Variants in MMP11 observed in about 807,000 individuals in gnomAD.
The protein encoded by MMP11 is stromelysin-3.
In MMP11, 26 loss-of-function variants were observed where a neutral mutation model predicts 49.5. The ratio of observed to expected loss-of-function variants is 0.52; its 90% confidence interval spans 0.38 to 0.73. The LOEUF (loss-of-function observed/expected upper bound fraction) is 0.73, where lower values mean the gene tolerates loss of function less well. Ranked by LOEUF, MMP11 falls within the 30% of genes least tolerant of loss-of-function variation. The pLI, the probability that MMP11 is intolerant of heterozygous loss-of-function variation, is 0.00. For synonymous variants in MMP11, 265 were observed against 282.3 expected, an observed-to-expected ratio of 0.94 and a Z score of 0.62; for missense variants, 624 against 671.2, an observed-to-expected ratio of 0.93 and a Z score of 0.78.
At chr22:23,776,141 G>A (rs998484418) in intron 1 of MMP11, among the ~76,000 whole-genome samples, 3 of 152,192 alleles carry the variant, frequency 2.0e-5, no homozygotes, top group African/African-American at 7.2e-5. Flanking sequence ...AGTGGAAGGG[G>A]TGGGGGCATG....
rs766487518 is a variant in MMP11, at chr22:23,780,683, A to G, written c.584A>G (p.Tyr195Cys). ...CGAGAAGGGGATGTCCACTTCGACT[A>G]TGATGAGACCTGGACTATCGGGGAT... ...THREGDVHFD[Y>C]DETWTIGDDQ... Residue 195 changes from tyrosine to cysteine, a missense_variant, in exon 4 of 8, where the codon TAT becomes TGT. Physicochemically the swap from Tyr to Cys is radical, Grantham distance 194. Coordinates refer to ENST00000215743, the MANE Select transcript of MMP11 (RefSeq NM_005940.5). The surrounding 1 kb of genome is among the most constrained non-coding windows in gnomAD (Gnocchi z 4.6). 3.9e-5 allele frequency: 62 copies of G among 1,572,506 alleles called. No homozygotes were observed. The highest frequency in any genetic ancestry group is 6.8e-5 in the African/African-American group (5 of 73,592).
chr22:23,783,603 G>C lies in MMP11; in HGVS notation c.*59G>C, dbSNP rs540655345. On this transcript the variant is annotated 3_prime_UTR_variant, in exon 8 of 8. Transcript: ENST00000215743. ...CTGCCAGGCCACGAATATCAGGCTA[G>C]AGACCCATGGCCATCTTTGTGGCTG... The C allele has an allele frequency of 4.9e-5, 79 of 1,602,936 alleles. No homozygotes were observed. Among genetic ancestry groups the C allele is most frequent in the Non-Finnish European group, 6.4e-5 (75 of 1,171,624 alleles).
At chr22:23,782,959 C>T (rs1011380500) in intron 7 of MMP11, among the ~76,000 whole-genome samples, 60 of 152,318 alleles carry the variant, frequency 3.9e-4, no homozygotes, top group African/African-American at 1.3e-3. Flanking sequence ...CAGTCCAGTG[C>T]TCCCTCCCCT....
In MMP11 at chr22:23,772,954, G is replaced by T; in HGVS notation, c.84G>T (p.Pro28=). ...PMLLLLLQPP[P]LLARALPPDA... ...TGCTGCTGCTGCTCCAGCCGCCGCC[G>T]CTGCTGGCCCGGGCTCTGCCGCCGG... is the stretch of plus-strand genomic sequence containing the variant. The change falls in exon 1 of 8, where the codon CCG becomes CCT. Residue 28 remains proline, a synonymous_variant. Coordinates refer to ENST00000215743, the MANE Select transcript of MMP11 (RefSeq NM_005940.5). 8.2e-7 allele frequency: 1 copy of T among 1,214,198 alleles called. No individual in the cohort carries two copies. The highest frequency in any genetic ancestry group is 1.0e-6 in the Non-Finnish European group (1 of 972,988). The allele number at this position is 1,214,198 out of a possible 1,614,324, so 75.2% of individuals were successfully genotyped here.
intron 7 of MMP11, among the ~76,000 whole-genome samples, chr22:23,782,953 C>T (rs893031960): frequency 1.3e-5 from 2 of 152,202 alleles, no homozygotes; most frequent in African/African-American, 4.8e-5. Context: ...TAGAGCCAGT[C>T]CAGTGCTCCC....
At chr22:23,782,740 G>A (rs1386437627) in intron 7 of MMP11, 4 of 570,914 alleles carry the variant, frequency 7.0e-6, no homozygotes, top group Non-Finnish European at 1.2e-5. Context: ...ATAAACTGCT[G>A]TACACTGAGG....
Position 23,780,956 on chromosome 22 carries a change from C to T in MMP11, c.714C>T (p.Thr238=), listed in dbSNP as rs1409846498. The T allele has an allele frequency of 1.2e-6, 2 of 1,613,868 alleles. No individual in the cohort carries two copies. The highest frequency in any genetic ancestry group is 1.1e-5 in the South Asian group (1 of 91,084). ...AGGCCCTGATGTCCGCCTTCTACAC[C>T]TTTCGCTACCCACTGAGTCTCAGCC... ...AAKALMSAFY[T]FRYPLSLSPD... is the part of the protein sequence containing the mutation. Residue 238 remains threonine, a synonymous_variant, in exon 5 of 8, where the codon ACC becomes ACT. Transcript: ENST00000215743. This position sits in a 1 kb window ranked among gnomAD's most constrained non-coding sequence, Gnocchi z 4.6.
rs759671158 is a variant in MMP11, at chr22:23,781,034, C to T, written c.792C>T (p.Val264=). ...QHLYGQPWPT[V]TSRTPALGPQ... is the part of the protein sequence containing the mutation. The stretch of plus-strand genomic sequence containing the variant: ...TATATGGCCAGCCCTGGCCCACTGT[C>T]ACCTCCAGGACCCCAGCCCTGGGCC... Residue 264 remains valine, a synonymous_variant, in exon 5 of 8, where the codon GTC becomes GTT. Coordinates refer to ENST00000215743, the MANE Select transcript of MMP11 (RefSeq NM_005940.5). 1.9e-5 allele frequency: 31 copies of T among 1,612,134 alleles called. No homozygotes were observed. Among genetic ancestry groups the T allele is most frequent in the Non-Finnish European group, 2.6e-5 (31 of 1,180,022 alleles).
At chr22:23,774,195 G>GCA (rs1927331060) in intron 1 of MMP11, among the ~76,000 whole-genome samples, 1 of 152,212 alleles carries the variant, frequency 6.6e-6, no homozygotes, top group South Asian at 2.1e-4. Context: ...CATCTCTAAT[G>GCA]GGAGTGCAGG....
At position 23,783,720 on chromosome 22, in the gene MMP11, T is replaced by TGACCACGACCTG; in HGVS notation, c.*176_*177insGACCACGACCTG. 1.2e-6 allele frequency: 1 copy of TGACCACGACCTG among 813,162 alleles called. No individual in the cohort carries two copies. The highest frequency in any genetic ancestry group is 1.9e-6 in the Non-Finnish European group (1 of 518,644). 50.4% of individuals were successfully genotyped at this position (813,162 alleles called of 1,614,324 possible). The stretch of plus-strand genomic sequence containing the variant: ...ACAACTGCCGGGAGGGCCACGCAGG[T>TGACCACGACCTG]CGTGGTCACCTGCCAGCGACTGTCT... On this transcript the variant is annotated 3_prime_UTR_variant, in exon 8 of 8. Coordinates refer to ENST00000215743, the MANE Select transcript of MMP11 (RefSeq NM_005940.5).
At chr22:23,777,019 G>T in intron 1 of MMP11, among the ~76,000 whole-genome samples, 1 of 150,976 alleles carries the variant, frequency 6.6e-6, no homozygotes, top group East Asian at 2.0e-4. Context: ...GTGTTAGCCA[G>T]GATGGTCTCG....
At chr22:23,777,215 G>A (rs1448123723) in intron 1 of MMP11, among the ~76,000 whole-genome samples, 4 of 142,598 alleles carry the variant, frequency 2.8e-5, no homozygotes, top group Non-Finnish European at 5.9e-5. Flanking sequence ...GAGGTCAGGA[G>A]TTCAAGACCA....
Position 23,781,228 on chromosome 22 carries a change from T to C in MMP11, c.894T>C (p.Phe298=), listed in dbSNP as rs1278098378. ...DAPPDACEAS[F]DAVSTIRGEL... ...CGCCAGATGCCTGTGAGGCCTCCTT[T>C]GACGCGGTCTCCACCATCCGAGGCG... Residue 298 remains phenylalanine, a synonymous_variant, in exon 6 of 8, where the codon TTT becomes TTC. Transcript: ENST00000215743. The C allele has an allele frequency of 1.9e-6, 3 of 1,611,688 alleles. No homozygotes were observed. Among genetic ancestry groups the C allele is most frequent in the East Asian group, 2.2e-5 (1 of 44,882 alleles).
At position 23,779,214 on chromosome 22, in the gene MMP11, AG is replaced by A. The variant is rs1217581371; in HGVS notation, c.141del (p.Pro48HisfsTer42). 2 of 1,605,326 alleles carry A rather than the reference AG, an allele frequency of 1.2e-6. No homozygotes were observed. Among genetic ancestry groups the A allele is most frequent in the African/African-American group, 1.3e-5 (1 of 74,790 alleles). On this transcript the variant is annotated frameshift_variant, in exon 2 of 8. Transcript: ENST00000215743. LOFTEE classifies it high-confidence loss of function. ...PDAHHLHAER[R>X]GPQPWHAALP... ...CGCCCACCACCTCCATGCCGAGAGG[AG>A]GGGGCCACAGCCCTGGCATGCAGCC...
At chr22:23,777,460 AG>A (rs1394040928) in intron 1 of MMP11, among the ~76,000 whole-genome samples, 17 of 151,574 alleles carry the variant, frequency 1.1e-4, no homozygotes, top group African/African-American at 3.6e-4. Flanking sequence ...CCAGCTACTC[AG>A]GAGGCTGAGT....
rs1050075396 is a variant in MMP11 at position 23,783,853 on chromosome 22, G to A, written c.*309G>A. The stretch of plus-strand genomic sequence containing the variant: ...GCCCTGTCTCCATCCCTGTCCCTCA[G>A]GGTAGCACCATGGCAGGACTGGGGG... On this transcript the variant is annotated 3_prime_UTR_variant, in exon 8 of 8. Coordinates refer to ENST00000215743, the MANE Select transcript of MMP11 (RefSeq NM_005940.5). 1.9e-5 allele frequency: 8 copies of A among 423,498 alleles called. No homozygotes were observed. In the Admixed American group the frequency reaches 2.1e-4, roughly 11 times the overall value. The allele number at this position is 423,498 out of a possible 1,614,324, so 26.2% of individuals were successfully genotyped here.
At chr22:23,778,557 C>A (rs1927496148) in intron 1 of MMP11, among the ~76,000 whole-genome samples, 1 of 152,166 alleles carries the variant, frequency 6.6e-6, no homozygotes, top group South Asian at 2.1e-4. Flanking sequence ...GGGTGCTGGG[C>A]CTGTGCTAGG....
At chr22:23,773,891 G>C (rs1303612810) in intron 1 of MMP11, among the ~76,000 whole-genome samples, 2 of 152,304 alleles carry the variant, frequency 1.3e-5, no homozygotes, top group African/African-American at 2.4e-5. Context: ...GAGGAGGCAG[G>C]CCTGGCCAGG....
chr22:23,782,174 G>A (rs1293623510), intron 6 of MMP11, 52 bp from the exon 7 acceptor site: 4 of 1,582,842 alleles, frequency 2.5e-6, no homozygotes, highest in Non-Finnish European at 3.4e-6. Flanking sequence ...CACAGTGGCG[G>A]GGCATGGCAG....
Sources: gnomAD v4.1 joint callset for allele counts (sites outside exome capture counted in the v4.1 genomes callset) on GRCh38, gnomAD v4.1.1 for gene constraint, Gnocchi (gnomAD v3.1) non-coding constraint, MANE v1.5 for transcripts, NCBI Gene and HGNC (gene_info 2026-07-23, HGNC 2026-07-21) for gene names.